GNB5: variants seen among roughly 807,000 people sequenced by gnomAD.
The protein encoded by GNB5 is guanine nucleotide-binding protein subunit beta-5.
Under a neutral mutation model 55.3 loss-of-function variants are expected in GNB5, and 37 were observed. The observed-to-expected ratio is 0.67, with a 90% CI of 0.51 to 0.88. The LOEUF (loss-of-function observed/expected upper bound fraction) is 0.88. GNB5 is among the 40% of genes least tolerant of loss of function. The probability of loss-of-function intolerance (pLI) is 0.00; values close to 1 mark genes in which losing one functional copy is unlikely to be tolerated. For synonymous variants in GNB5, 219 were observed against 198.5 expected (o/e 1.10, Z -0.87); for missense variants, 476 against 515.3 (o/e 0.92, Z 0.74).
chr15:52,117,849 G>C lies in GNB5; in HGVS notation c.*4908C>G, dbSNP rs2141174141. 6.6e-6 allele frequency: 1 copy of C among 152,436 alleles called. No homozygotes were observed. Among genetic ancestry groups the C allele is most frequent in the Non-Finnish European group, 1.5e-5 (1 of 68,088 alleles). The allele number at this position is 152,436 out of a possible 1,614,324, so 9.4% of individuals were successfully genotyped here. The stretch of plus-strand genomic sequence containing the variant: ...AGTCCAGATCTCAGGGCAGGGCCCT[G>C]AAGGCGCAGTGCAGGAACCTGCCAT... On this transcript the variant is annotated 3_prime_UTR_variant, in exon 13 of 13. Transcript: ENST00000261837.
rs372316488 is a variant in GNB5, at chr15:52,124,648, A to C, written c.1010-9T>G. ...AGCAAACAGCAGGCGACCTTGAAGCAGGGTGAGATGATAGCTGTTAAGCCA... is the reference window on the plus strand; with the variant it reads ...AGCAAACAGCAGGCGACCTTGAAGCCGGGTGAGATGATAGCTGTTAAGCCA... On this transcript the variant is annotated splice_polypyrimidine_tract_variant and intron_variant, in intron 11 of 12. Coordinates refer to ENST00000261837, the MANE Select transcript of GNB5 (RefSeq NM_016194.4). The C allele has an allele frequency of 2.5e-6, 4 of 1,612,336 alleles. No homozygotes were observed. Among genetic ancestry groups the C allele is most frequent in the Non-Finnish European group, 3.4e-6 (4 of 1,178,712 alleles).
At chr15:52,133,558 T>C (rs1304395557) in intron 8 of GNB5, 89 bp from the exon 9 acceptor site, 8 of 815,112 alleles carry the variant, frequency 9.8e-6, no homozygotes, top group Non-Finnish European at 1.7e-5. Context: ...ACAGACCATT[T>C]ATTTCCCATT....
At chr15:52,142,302 C>T (rs2033874126) in intron 6 of GNB5, among the ~76,000 whole-genome samples, 2 of 152,142 alleles carry the variant, frequency 1.3e-5, no homozygotes, top group Admixed American at 6.5e-5. Context: ...TCTCCAACCA[C>T]CTTTCATACA....
intron 4 of GNB5, among the ~76,000 whole-genome samples, chr15:52,153,727 T>C (rs2034148706): frequency 1.3e-5 from 2 of 152,214 alleles, no homozygotes; most frequent in African/African-American, 2.4e-5. Flanking sequence ...TGGTTACATA[T>C]AGTCTACTGT....
Position 52,179,823 on chromosome 15 carries a change from G to T in GNB5, c.183C>A (p.Ala61=). Residue 61 remains alanine (A), a synonymous_variant, in exon 3 of 13, where the codon GCC becomes GCA. Transcript: ENST00000261837. ...NETLASLKSE[A]ESLKGKLEEE... is the part of the protein sequence containing the mutation. ...CCTCCAGCTTGCCCTTGAGGCTCTC[G>T]GCCTCGCTCTTCAGCGACGCCAGCG... 1 of 1,553,634 alleles carries T rather than the reference G, an allele frequency of 6.4e-7. No homozygotes were observed. The highest frequency in any genetic ancestry group is 8.7e-7 in the Non-Finnish European group (1 of 1,151,294).
chr15:52,137,174 T>A (rs1247433344), intron 7 of GNB5: 1 of 1,012,530 alleles, frequency 9.9e-7, no homozygotes, highest in Non-Finnish European at 1.3e-6. Context: ...TCTCCCTTAC[T>A]GTGGCAGGTC....
At chr15:52,172,107 A>G (rs1221226663) in intron 3 of GNB5, among the ~76,000 whole-genome samples, 1 of 152,258 alleles carries the variant, frequency 6.6e-6, no homozygotes, top group Admixed American at 6.5e-5. Context: ...AAGACTCTTT[A>G]GAGTTGAATT....
intron 1 of GNB5, among the ~76,000 whole-genome samples, chr15:52,189,753 T>C (rs1310232249): frequency 1.3e-5 from 2 of 152,222 alleles, no homozygotes; most frequent in Non-Finnish European, 2.9e-5. Flanking sequence ...AATGACGTTC[T>C]GACACATGCT....
At chr15:52,190,195 G>T (rs2034900863) in intron 1 of GNB5, among the ~76,000 whole-genome samples, 1 of 148,662 alleles carries the variant, frequency 6.7e-6, no homozygotes. Flanking sequence ...TCGGCTCACT[G>T]TAAGCTCCGC....
rs752252516 is a variant in GNB5, at chr15:52,124,555, C to T, written c.1094G>A (p.Gly365Glu). The T allele has an allele frequency of 7.4e-6, 12 of 1,613,646 alleles. No individual in the cohort carries two copies. The highest frequency in any genetic ancestry group is 6.7e-5 in the East Asian group (3 of 44,898). The change falls in exon 12 of 13, where the codon GGA (glycine) becomes GAA (glutamate). Residue 365 changes from glycine (G) to glutamate (E), a missense_variant. Gly to Glu is a moderately conservative substitution (Grantham distance 98). Transcript: ENST00000261837. Reference protein sequence around the residue: ...LKGSRVSILFGHENRVSTLRV... With the variant: ...LKGSRVSILFEHENRVSTLRV... ...TAGAGTGCTAACGCGGTTTTCATGT[C>T]CAAACAGGATGGAGACCCGGGACCC...
At chr15:52,134,454 G>A (rs186944246) in intron 8 of GNB5, among the ~76,000 whole-genome samples, 1 of 152,184 alleles carries the variant, frequency 6.6e-6, no homozygotes, top group Admixed American at 6.5e-5. Flanking sequence ...AAAGAAACCA[G>A]AAAGGCCTTC....
intron 9 of GNB5, among the ~76,000 whole-genome samples, chr15:52,130,900 A>C (rs2033557183): frequency 6.6e-6 from 1 of 152,244 alleles, no homozygotes; most frequent in African/African-American, 2.4e-5. Context: ...ATCTCAGCTC[A>C]CTGCAACCTC....
intron 4 of GNB5, among the ~76,000 whole-genome samples, chr15:52,150,958 C>T (rs529949408): frequency 2.0e-5 from 3 of 152,312 alleles, no homozygotes; most frequent in African/African-American, 7.2e-5. Flanking sequence ...GGATGGAAAA[C>T]ATCACTTAAG....
intron 1 of GNB5, among the ~76,000 whole-genome samples, chr15:52,187,196 G>C (rs2034857608): frequency 6.6e-6 from 1 of 152,152 alleles, no homozygotes; most frequent in Non-Finnish European, 1.5e-5. Context: ...GTGGGGCTTG[G>C]TAACTGTTGC....
intron 3 of GNB5, among the ~76,000 whole-genome samples, chr15:52,167,880 A>T (rs918997840): frequency 2.2e-4 from 33 of 152,190 alleles, no homozygotes; most frequent in Non-Finnish European, 3.4e-4. Context: ...TTCATCATAT[A>T]AAAAAAACTA....
At position 52,150,182 on chromosome 15, in the gene GNB5, C is replaced by T. The variant is rs527856435; in HGVS notation, c.376-257G>A. Among the ~76,000 whole-genome samples the T allele has an allele frequency of 6.6e-5, 10 of 152,326 alleles. No individual in the cohort carries two copies. In the South Asian group the frequency reaches 1.7e-3, roughly 25 times the overall value. ...AAAGATACAACTACAGGAAACAACA[C>T]GCAGACACTTCTTTCATACCATTTG... On this transcript the variant is annotated intron_variant, in intron 4 of 12. Coordinates refer to ENST00000261837, the MANE Select transcript of GNB5 (RefSeq NM_016194.4).
chr15:52,137,656 C>T, intron 7 of GNB5: 1 of 1,145,338 alleles, frequency 8.7e-7, no homozygotes, highest in Non-Finnish European at 1.1e-6. Context: ...TACTTTTTGT[C>T]ACTGCCAGTG....
chr15:52,160,719 CAT>C (rs963118859), intron 3 of GNB5, among the ~76,000 whole-genome samples: 7 of 152,162 alleles, frequency 4.6e-5, no homozygotes, highest in African/African-American at 1.7e-4. Flanking sequence ...TGTGCACACA[CAT>C]ATATATGTGT....
intron 2 of GNB5, chr15:52,180,758 T>G (rs4776012): frequency 0.28 from 41,864 of 152,180 alleles, 6,836 homozygotes; most frequent in African/African-American, 0.44. Context: ...GCATCCCCTC[T>G]CCGCAAGCGC....
Sources: allele counts gnomAD v4.1 joint callset (sites outside exome capture counted in the v4.1 genomes callset), GRCh38; gene constraint gnomAD v4.1.1; transcripts MANE v1.5; gene names NCBI Gene and HGNC (gene_info 2026-07-23, HGNC 2026-07-21).